SLC25A37: variants seen among roughly 807,000 people sequenced by gnomAD.
SLC25A37 encodes mitoferrin-1.
Under a neutral mutation model 31.0 loss-of-function variants are expected in SLC25A37, and 17 were observed. That is an observed-to-expected ratio of 0.55 (90% CI 0.38 to 0.82). The LOEUF (loss-of-function observed/expected upper bound fraction) is 0.82, where lower values mean the gene tolerates loss of function less well. Among genes scored for constraint, SLC25A37 ranks in the 40% least tolerant of loss-of-function variants. The pLI, the probability that SLC25A37 is intolerant of heterozygous loss-of-function variation, is 0.00. For synonymous variants in SLC25A37, 222 were observed against 193.0 expected (o/e 1.15, Z -1.24); for missense variants, 404 against 465.8 (o/e 0.87, Z 1.22).
At position 23,567,759 on chromosome 8, in the gene SLC25A37, C is replaced by T. The variant is rs1430962055; in HGVS notation, c.440-563C>T. ...GACTCTCAGATGGGGTCAGTCCCGT[C>T]GCTTTGCAGACTGACCCTGGAAATC... On this transcript the variant is annotated intron_variant, in intron 2 of 3. Coordinates refer to ENST00000519973, the MANE Select transcript of SLC25A37 (RefSeq NM_016612.4). 8.3e-5 allele frequency: 13 copies of T among 156,112 alleles called. 1 individual carries two copies. Among genetic ancestry groups the T allele is most frequent in the Admixed American group, 8.1e-4 (13 of 16,098 alleles). The allele number at this position is 156,112 out of a possible 1,614,324, so 9.7% of individuals were successfully genotyped here. A position where few individuals can be genotyped will look rare whatever the true frequency, so the allele number is the denominator to read the frequency against.
chr8:23,535,337 A>T lies in SLC25A37; in HGVS notation c.210+6125A>T, dbSNP rs145081495. 3.0e-3 allele frequency among the ~76,000 whole-genome samples: 460 copies of T among 152,108 alleles called. 3 individuals carry two copies. Among genetic ancestry groups the T allele is most frequent in the African/African-American group, 0.01 (432 of 41,496 alleles). On this transcript the variant is annotated intron_variant, in intron 1 of 3. Coordinates refer to ENST00000519973, the MANE Select transcript of SLC25A37 (RefSeq NM_016612.4). ...CTGTTGCCCCTTAGCTCCCCACCCT[A>T]TTGTTGTCAGCCTCAGCCTGGCATC...
At chr8:23,539,841 G>T (rs1236977889) in intron 1 of SLC25A37, among the ~76,000 whole-genome samples, 1 of 152,242 alleles carries the variant, frequency 6.6e-6, no homozygotes, top group Admixed American at 6.5e-5. Flanking sequence ...CAGCCAGACT[G>T]CCTGGAGTGG....
intron 1 of SLC25A37, among the ~76,000 whole-genome samples, chr8:23,533,479 C>G (rs933184481): frequency 6.6e-6 from 1 of 152,240 alleles, no homozygotes; most frequent in Non-Finnish European, 1.5e-5. Context: ...CACGTTTCAG[C>G]TGCATGTGGC....
rs1802866467 is a variant in SLC25A37 at position 23,572,011 on chromosome 8, G to A, written c.*156G>A. ...AGAGAGAGGAGGGGACGGCACGGCC[G>A]CTCACCGGAAGGCTGTGTGCGGGGA... On this transcript the variant is annotated 3_prime_UTR_variant, in exon 4 of 4. Coordinates refer to ENST00000519973, the MANE Select transcript of SLC25A37 (RefSeq NM_016612.4). 4.9e-6 allele frequency: 4 copies of A among 816,602 alleles called. No individual in the cohort carries two copies. Among genetic ancestry groups the A allele is most frequent in the Non-Finnish European group, 5.7e-6 (3 of 528,144 alleles). The allele number at this position is 816,602 out of a possible 1,614,324, so 50.6% of individuals were successfully genotyped here. A position where few individuals can be genotyped will look rare whatever the true frequency, so the allele number is the denominator to read the frequency against.
At position 23,571,304 on chromosome 8, in the gene SLC25A37, C is replaced by T. The variant is rs776221157; in HGVS notation, c.497-31C>T. ...TCCAACCCACTGCCCACTGGCTGTCCGTCTGGCCTGCCCCGCGGTTCCAAC... is the reference window on the plus strand; with the variant it reads ...TCCAACCCACTGCCCACTGGCTGTCTGTCTGGCCTGCCCCGCGGTTCCAAC... On this transcript the variant is annotated intron_variant, in intron 3 of 3. Coordinates refer to ENST00000519973, the MANE Select transcript of SLC25A37 (RefSeq NM_016612.4). The T allele has an allele frequency of 4.6e-6, 7 of 1,507,688 alleles. No homozygotes were observed. In the African/African-American group the frequency reaches 5.5e-5, roughly 12 times the overall value. The allele number at this position is 1,507,688 out of a possible 1,614,324, so 93.4% of individuals were successfully genotyped here. A position where few individuals can be genotyped will look rare whatever the true frequency, so the allele number is the denominator to read the frequency against.
chr8:23,553,193 G>T (rs1030022356), intron 1 of SLC25A37, among the ~76,000 whole-genome samples: 5 of 152,168 alleles, frequency 3.3e-5, no homozygotes, highest in Admixed American at 6.5e-5. Flanking sequence ...GGCCGAGGTG[G>T]GTGGATCACC....
chr8:23,553,467 G>A (rs995274938), intron 1 of SLC25A37, among the ~76,000 whole-genome samples: 1 of 152,050 alleles, frequency 6.6e-6, no homozygotes, highest in Non-Finnish European at 1.5e-5. Context: ...CAATTTTGAG[G>A]ATGAGGCATT....
Position 23,573,669 on chromosome 8 carries a change from A to G in SLC25A37, c.*1814A>G, listed in dbSNP as rs1269327232. The G allele has an allele frequency of 2.5e-6, 1 of 399,696 alleles. No individual in the cohort carries two copies. Among genetic ancestry groups the G allele is most frequent in the Non-Finnish European group, 5.2e-6 (1 of 193,342 alleles). 24.8% of individuals were successfully genotyped at this position (399,696 alleles called of 1,614,324 possible). On this transcript the variant is annotated 3_prime_UTR_variant, in exon 4 of 4. Transcript: ENST00000519973. ...TGCCCTAATAGCGATGAAGAATTTTATCAGTCAGTGGAGTTCCTTTTTCAG... is the reference window on the plus strand; with the variant it reads ...TGCCCTAATAGCGATGAAGAATTTTGTCAGTCAGTGGAGTTCCTTTTTCAG...
intron 1 of SLC25A37, among the ~76,000 whole-genome samples, chr8:23,532,448 G>A (rs1801679917): frequency 6.6e-6 from 1 of 152,310 alleles, no homozygotes; most frequent in South Asian, 2.1e-4. Context: ...GTGGATACAA[G>A]AACCCCTGGT....
Position 23,568,858 on chromosome 8 carries a change from G to A in SLC25A37, c.496+480G>A, listed in dbSNP as rs186455448. On this transcript the variant is annotated intron_variant, in intron 3 of 3. Transcript: ENST00000519973. ...CTGGGGTGGCCGAGGTGGGAGAATC[G>A]CTTGAACCCAGCAGGCAGAGGTTGC... 81 of 173,134 alleles carry A rather than the reference G, an allele frequency of 4.7e-4. 1 individual carries two copies. Among genetic ancestry groups the A allele is most frequent in the Non-Finnish European group, 4.6e-4 (37 of 80,298 alleles). The allele number at this position is 173,134 out of a possible 1,614,324, so 10.7% of individuals were successfully genotyped here. A position where few individuals can be genotyped will look rare whatever the true frequency, so the allele number is the denominator to read the frequency against.
At position 23,557,931 on chromosome 8, in the gene SLC25A37, T is replaced by C. The variant is rs188663861; in HGVS notation, c.211-8177T>C. On this transcript the variant is annotated intron_variant, in intron 1 of 3. Transcript: ENST00000519973. ...TATTTCCTTTCTCTGGGAGAAAGTCTGGAACAGAGACGGTGCGGAGCAGCC... is the reference window on the plus strand; with the variant it reads ...TATTTCCTTTCTCTGGGAGAAAGTCCGGAACAGAGACGGTGCGGAGCAGCC... Among the ~76,000 whole-genome samples, 4 of 152,324 alleles carry C rather than the reference T, an allele frequency of 2.6e-5. No homozygotes were observed. The East Asian group carries it at 7.7e-4, about 29-fold the overall frequency.
chr8:23,547,613 G>A (rs2117412299), intron 1 of SLC25A37, among the ~76,000 whole-genome samples: 1 of 152,300 alleles, frequency 6.6e-6, no homozygotes, highest in Middle Eastern at 3.4e-3. Flanking sequence ...AGGCTCACAA[G>A]CACTTTTGCT....
At chr8:23,571,261 AC>A in intron 3 of SLC25A37, 73 bp from the exon 4 acceptor site, 1 of 1,450,654 alleles carries the variant, frequency 6.9e-7, no homozygotes, top group South Asian at 1.4e-5. Context: ...CTTCATTCCG[AC>A]CTGGGGTGGG....
At position 23,571,771 on chromosome 8, in the gene SLC25A37, C is replaced by G. The variant is rs377491667; in HGVS notation, c.933C>G (p.Pro311=). 1 of 1,614,066 alleles carries G rather than the reference C, an allele frequency of 6.2e-7. No individual in the cohort carries two copies. Among genetic ancestry groups the G allele is most frequent in the Non-Finnish European group, 8.5e-7 (1 of 1,179,908 alleles). ...GIQARVIYQM[P]STAISWSVYE... is the part of the protein sequence containing the mutation. Reference sequence around the variant, plus strand: ...AGGCGCGTGTCATCTACCAGATGCCCTCCACCGCCATTTCTTGGTCTGTCT... The same window carrying G: ...AGGCGCGTGTCATCTACCAGATGCCGTCCACCGCCATTTCTTGGTCTGTCT... The change falls in exon 4 of 4, where the codon CCC becomes CCG. Residue 311 remains proline, a synonymous_variant. Coordinates refer to ENST00000519973, the MANE Select transcript of SLC25A37 (RefSeq NM_016612.4).
Position 23,574,327 on chromosome 8 carries a change from A to G in SLC25A37, c.*2472A>G, listed in dbSNP as rs11782949. 0.084 allele frequency: 13,051 copies of G among 155,476 alleles called. 672 individuals are homozygous for G. The highest frequency in any genetic ancestry group is 0.14 in the African/African-American group (5,881 of 41,578). 9.6% of individuals were successfully genotyped at this position (155,476 alleles called of 1,614,324 possible). On this transcript the variant is annotated 3_prime_UTR_variant, in exon 4 of 4. Transcript: ENST00000519973. ...TAAAAATACAAAAAATTAGCTGGGC[A>G]TGGTGGCAGGCACCTGTAATCCCAG...
intron 1 of SLC25A37, among the ~76,000 whole-genome samples, chr8:23,554,016 T>A (rs533655220): frequency 2.0e-5 from 3 of 150,608 alleles, no homozygotes; most frequent in South Asian, 2.1e-4. Flanking sequence ...AAGTTGAAGA[T>A]CACCTGGGAT....
chr8:23,571,513 G>A lies in SLC25A37; in HGVS notation c.675G>A (p.Gln225=). ...TCACCTATGAGTTCCTGCAGGAGCA[G>A]GTCAACCCCCACCGGACCTACAACC... ...HFITYEFLQE[Q]VNPHRTYNPQ... The change falls in exon 4 of 4, where the codon CAG becomes CAA. Residue 225 remains glutamine, a synonymous_variant. Transcript: ENST00000519973. 1 of 1,613,952 alleles carries A rather than the reference G, an allele frequency of 6.2e-7. No individual in the cohort carries two copies. The highest frequency in any genetic ancestry group is 2.2e-5 in the East Asian group (1 of 44,856).
chr8:23,555,158 C>T lies in SLC25A37; in HGVS notation c.211-10950C>T, dbSNP rs560592868. On this transcript the variant is annotated intron_variant, in intron 1 of 3. Coordinates refer to ENST00000519973, the MANE Select transcript of SLC25A37 (RefSeq NM_016612.4). ...ACCTTCCGGCCACAGGTCCTCATTCCCCAGATGCACCAGCATGTTCACATC... is the reference window on the plus strand; with the variant it reads ...ACCTTCCGGCCACAGGTCCTCATTCTCCAGATGCACCAGCATGTTCACATC... Among the ~76,000 whole-genome samples the T allele has an allele frequency of 1.4e-3, 207 of 152,260 alleles. 2 individuals are homozygous for T. Among genetic ancestry groups the T allele is most frequent in the African/African-American group, 4.3e-3 (178 of 41,548 alleles).
chr8:23,546,531 G>GTATATATATA (rs1251864600), intron 1 of SLC25A37, among the ~76,000 whole-genome samples: 3 of 36,432 alleles, frequency 8.2e-5, no homozygotes, highest in African/African-American at 2.1e-4. Context: ...ATATATAGGT[G>GTATATATATA]TATATATATA....
Sources: allele counts gnomAD v4.1 joint callset (sites outside exome capture counted in the v4.1 genomes callset), GRCh38; gene constraint gnomAD v4.1.1; transcripts MANE v1.5; gene names NCBI Gene and HGNC (gene_info 2026-07-23, HGNC 2026-07-21).